The following CEP120 variants were observed in gnomAD, a reference collection of about 807,000 sequenced individuals.
CEP120 encodes the protein centrosomal protein 120, also known as centrosomal protein of 120 kDa.
In CEP120, 113 loss-of-function variants were observed where a neutral mutation model predicts 126.5. The observed-to-expected ratio is 0.89, with a 90% CI of 0.77 to 1.04. The LOEUF is 1.04. Ranked by LOEUF, CEP120 falls within the 50% of genes least tolerant of loss-of-function variation. CEP120 has a pLI of 0.00. For missense variants in CEP120, 1,230 were observed against 1,155.7 expected (o/e 1.06, Z -0.93); for synonymous variants, 400 against 394.3 (o/e 1.01, Z -0.17).
intron 16 of CEP120, 78 bp from the exon 17 acceptor site, chr5:123,372,850 CTT>C (rs894077424): frequency 1.7e-6 from 2 of 1,189,442 alleles, no homozygotes; most frequent in Non-Finnish European, 2.3e-6. Flanking sequence ...TCAACAAGGT[CTT>C]TTTTTTTATT....
chr5:123,416,950 T>C (rs1774427624), intron 2 of CEP120, among the ~76,000 whole-genome samples: 1 of 152,220 alleles, frequency 6.6e-6, no homozygotes, highest in Admixed American at 6.5e-5. Flanking sequence ...GATATTGGCT[T>C]GTTTAGCATG....
intron 10 of CEP120, among the ~76,000 whole-genome samples, chr5:123,385,566 C>T (rs1398919864): frequency 6.6e-6 from 1 of 151,480 alleles, no homozygotes; most frequent in South Asian, 2.1e-4. Context: ...ATAGAATTAT[C>T]TAATAATGCA....
In CEP120 at chr5:123,377,486, T is replaced by C. The variant is rs776697238; in HGVS notation, c.2246A>G (p.Gln749Arg). Residue 749 changes from glutamine (Q) to arginine (R), a missense_variant, in exon 16 of 20, where the codon CAA becomes CGA. Physicochemically the swap from Gln to Arg is conservative, Grantham distance 43. Transcript: ENST00000306467. ...ELQSERQRNL[Q>R]ELQDSIRRAK... ...CCTACGGATAGAGTCCTGCAGTTCTTGCAGGTTCCGCTGACGTTCTGATTG... is the reference window on the plus strand; with the variant it reads ...CCTACGGATAGAGTCCTGCAGTTCTCGCAGGTTCCGCTGACGTTCTGATTG... 6.2e-7 allele frequency: 1 copy of C among 1,602,310 alleles called. No homozygotes were observed. Among genetic ancestry groups the C allele is most frequent in the Non-Finnish European group, 8.5e-7 (1 of 1,177,396 alleles).
At chr5:123,353,865 G>T (rs569821857) in intron 18 of CEP120, among the ~76,000 whole-genome samples, 1 of 151,854 alleles carries the variant, frequency 6.6e-6, no homozygotes, top group African/African-American at 2.4e-5. Flanking sequence ...TTGCTAAGGC[G>T]GGGTTGGGGT....
chr5:123,378,434 A>C lies in CEP120; in HGVS notation c.2104-6T>G. 1 of 1,468,388 alleles carries C rather than the reference A, an allele frequency of 6.8e-7. No homozygotes were observed. The highest frequency in any genetic ancestry group is 9.1e-7 in the Non-Finnish European group (1 of 1,094,200). The allele number at this position is 1,468,388 out of a possible 1,614,324, so 91.0% of individuals were successfully genotyped here. A position where few individuals can be genotyped will look rare whatever the true frequency, so the allele number is the denominator to read the frequency against. On this transcript the variant is annotated splice_region_variant and splice_polypyrimidine_tract_variant and intron_variant, in intron 14 of 19. Coordinates refer to ENST00000306467, the MANE Select transcript of CEP120 (RefSeq NM_001375405.1). ...AGAATAGTATATTCAGCCACCTAAAATATAGTAAAAAAAAAAAAAAAAAAG... is the reference window on the plus strand; with the variant it reads ...AGAATAGTATATTCAGCCACCTAAACTATAGTAAAAAAAAAAAAAAAAAAG...
chr5:123,416,234 G>GTTGGATTTTGTTGGA lies in CEP120; in HGVS notation c.207-111_207-110insTCCAACAAAATCCAA, dbSNP rs1312917990. The GTTGGATTTTGTTGGA allele has an allele frequency of 4.5e-6, 3 of 671,678 alleles. No individual in the cohort carries two copies. In the African/African-American group the frequency reaches 5.5e-5, roughly 12 times the overall value. 41.6% of individuals were successfully genotyped at this position (671,678 alleles called of 1,614,324 possible). A position where few individuals can be genotyped will look rare whatever the true frequency, so the allele number is the denominator to read the frequency against. The stretch of plus-strand genomic sequence containing the variant: ...ACTTATAATTTTGTTGGATAAAACT[G>GTTGGATTTTGTTGGA]TAACTATTTTACATTGTCTAAAAAA... On this transcript the variant is annotated intron_variant, in intron 2 of 19. Transcript: ENST00000306467.
At chr5:123,419,459 G>A (rs957809789) in intron 1 of CEP120, among the ~76,000 whole-genome samples, 1 of 151,460 alleles carries the variant, frequency 6.6e-6, no homozygotes, top group Non-Finnish European at 1.5e-5. Flanking sequence ...AGGCAGAACA[G>A]CTTGAACCCG....
intron 6 of CEP120, 32 bp from the exon 7 acceptor site, chr5:123,391,369 T>C: frequency 6.7e-7 from 1 of 1,482,924 alleles, no homozygotes; most frequent in Non-Finnish European, 9.4e-7. Context: ...AAAATAGGGC[T>C]TTATACTTTC....
chr5:123,423,369 G>C lies in CEP120; in HGVS notation c.-371C>G. 1 of 321,110 alleles carries C rather than the reference G, an allele frequency of 3.1e-6. No individual in the cohort carries two copies. Among genetic ancestry groups the C allele is most frequent in the South Asian group, 3.3e-5 (1 of 30,324 alleles). The allele number at this position is 321,110 out of a possible 1,614,324, so 19.9% of individuals were successfully genotyped here. A position where few individuals can be genotyped will look rare whatever the true frequency, so the allele number is the denominator to read the frequency against. ...CAGCTTCCGCCTAGCAACCAGGCCC[G>C]CAGGCCCAGTGCCCAGGGGAGGTTG... On this transcript the variant is annotated 5_prime_UTR_variant, in exon 1 of 20. Coordinates refer to ENST00000306467, the MANE Select transcript of CEP120 (RefSeq NM_001375405.1).
Position 123,389,940 on chromosome 5 carries a change from G to A in CEP120, c.1239C>T (p.Thr413=), listed in dbSNP as rs1772281647. ...AAACCTTACCTTTTGGATTTGGTTTGGTGTCCTTATCATACTGTAAACTTT... is the reference window on the plus strand; with the variant it reads ...AAACCTTACCTTTTGGATTTGGTTTAGTGTCCTTATCATACTGTAAACTTT... ...EVESLQYDKD[T]KPNPKASSSV... Residue 413 remains threonine (T), a synonymous_variant, in exon 8 of 20, where the codon ACC becomes ACT. Transcript: ENST00000306467. 6.2e-7 allele frequency: 1 copy of A among 1,613,666 alleles called. No individual in the cohort carries two copies. Among genetic ancestry groups the A allele is most frequent in the African/African-American group, 1.3e-5 (1 of 74,886 alleles).
intron 4 of CEP120, among the ~76,000 whole-genome samples, chr5:123,411,282 A>G (rs1046992204): frequency 6.6e-6 from 1 of 152,220 alleles, no homozygotes; most frequent in African/African-American, 2.4e-5. Context: ...TATTTCTTAC[A>G]GAACTAAACA....
Position 123,386,678 on chromosome 5 carries a change from A to AAT in CEP120, c.1431-12_1431-11insAT. ...AATGGATATGAGTACCTAGAATTTAAAAAAAAAAAAAAAAAAAAAAGCCTT... is the reference window on the plus strand; with the variant it reads ...AATGGATATGAGTACCTAGAATTTAAATAAAAAAAAAAAAAAAAAAAAGCCTT... On this transcript the variant is annotated splice_polypyrimidine_tract_variant and intron_variant, in intron 9 of 19. Transcript: ENST00000306467. 1 of 544,538 alleles carries AAT rather than the reference A, an allele frequency of 1.8e-6. No homozygotes were observed. Among genetic ancestry groups the AAT allele is most frequent in the African/African-American group, 2.1e-5 (1 of 48,516 alleles). 33.7% of individuals were successfully genotyped at this position (544,538 alleles called of 1,614,324 possible). A position where few individuals can be genotyped will look rare whatever the true frequency, so the allele number is the denominator to read the frequency against.
rs200477463 is a variant in CEP120, at chr5:123,377,399, T to C, written c.2333A>G (p.Glu778Gly). Reference protein sequence around the residue: ...LERLKIKQLEEDKHRLQQQLN... With the variant: ...LERLKIKQLEGDKHRLQQQLN... ...CTGTTGCTGAAGGCGGTGTTTATCC[T>C]CTTCGAGCTGTTTGATTTTTAACCT... The change falls in exon 16 of 20, where the codon GAG (glutamate) becomes GGG (glycine). Residue 778 changes from glutamate to glycine, a missense_variant. Coordinates refer to ENST00000306467, the MANE Select transcript of CEP120 (RefSeq NM_001375405.1). 2.1e-5 allele frequency: 34 copies of C among 1,610,546 alleles called. No homozygotes were observed. The highest frequency in any genetic ancestry group is 2.4e-5 in the Non-Finnish European group (28 of 1,178,958).
At chr5:123,348,881 CAA>C (rs1769010927) in intron 19 of CEP120, among the ~76,000 whole-genome samples, 1 of 152,104 alleles carries the variant, frequency 6.6e-6, no homozygotes, top group Non-Finnish European at 1.5e-5. Context: ...TCTCTAAAAC[CAA>C]CCACACTGGC....
Position 123,378,260 on chromosome 5 carries a change from A to G in CEP120, c.2196+76T>C, listed in dbSNP as rs1771381506. The G allele has an allele frequency of 2.7e-6, 3 of 1,103,736 alleles. No individual in the cohort carries two copies. In the South Asian group the frequency reaches 4.9e-5, roughly 18 times the overall value. 68.4% of individuals were successfully genotyped at this position (1,103,736 alleles called of 1,614,324 possible). Reference sequence around the variant, plus strand: ...TCTCTCTCGGGACTCTTTTGCATCTAACTTTTAAAATAGTATTTCTACTTT... The same window carrying G: ...TCTCTCTCGGGACTCTTTTGCATCTGACTTTTAAAATAGTATTTCTACTTT... On this transcript the variant is annotated intron_variant, in intron 15 of 19. Transcript: ENST00000306467.
intron 19 of CEP120, among the ~76,000 whole-genome samples, chr5:123,348,807 T>G (rs1254155356): frequency 6.6e-6 from 1 of 152,178 alleles, no homozygotes; most frequent in South Asian, 2.1e-4. Flanking sequence ...GGGTGAACTC[T>G]CATCATGGGA....
chr5:123,374,727 A>G (rs1771086196), intron 16 of CEP120, among the ~76,000 whole-genome samples: 1 of 152,158 alleles, frequency 6.6e-6, no homozygotes, highest in South Asian at 2.1e-4. Context: ...ACAGAAGTTT[A>G]CCTATTTTTT....
intron 17 of CEP120, among the ~76,000 whole-genome samples, chr5:123,366,559 G>C (rs1287346500): frequency 6.6e-6 from 1 of 151,680 alleles, no homozygotes; most frequent in Non-Finnish European, 1.5e-5. Flanking sequence ...CTCTTAATCT[G>C]CTATTCCCAG....
At chr5:123,397,023 A>C (rs903372048) in intron 5 of CEP120, among the ~76,000 whole-genome samples, 1 of 152,230 alleles carries the variant, frequency 6.6e-6, no homozygotes, top group Non-Finnish European at 1.5e-5. Flanking sequence ...AAAAGTATTA[A>C]AACAGTGATT....
Sources: allele counts gnomAD v4.1 joint callset (sites outside exome capture counted in the v4.1 genomes callset), GRCh38; gene constraint gnomAD v4.1.1; transcripts MANE v1.5; gene names NCBI Gene and HGNC (gene_info 2026-07-23, HGNC 2026-07-21).